The following TBC1D1 variants were observed in gnomAD, a reference collection of about 807,000 sequenced individuals.
TBC1D1 encodes the protein TBC1 (tre-2/USP6, BUB2, cdc16) domain family, member 1.
A neutral mutation model predicts 125.6 loss-of-function variants in TBC1D1; 89 were observed. The observed-to-expected ratio is 0.71, with a 90% CI of 0.60 to 0.85. The LOEUF is 0.85. TBC1D1 is among the 40% of genes least tolerant of loss of function. The pLI is 0.00. For synonymous variants in TBC1D1, 565 were observed against 564.1 expected, an observed-to-expected ratio of 1.00 and a Z score of -0.02; for missense variants, 1,377 against 1,469.2, an observed-to-expected ratio of 0.94 and a Z score of 1.03.
rs1032966565 is a variant in TBC1D1 at position 38,035,514 on chromosome 4, A to C, written c.1303-74A>C. The stretch of plus-strand genomic sequence containing the variant: ...ACTAGTTTAGTGGATGGAAGCTGTT[A>C]GCATTTAAAAAGACGGCTTAGCAAT... On this transcript the variant is annotated intron_variant, in intron 7 of 19. Transcript: ENST00000261439. 9.4e-6 allele frequency: 11 copies of C among 1,174,696 alleles called. No individual in the cohort carries two copies. The African/African-American group carries it at 1.7e-4, about 18-fold the overall frequency. 72.8% of individuals were successfully genotyped at this position (1,174,696 alleles called of 1,614,324 possible).
intron 12 of TBC1D1, among the ~76,000 whole-genome samples, chr4:38,070,366 A>G (rs1271391762): frequency 6.6e-6 from 1 of 152,240 alleles, no homozygotes; most frequent in Non-Finnish European, 1.5e-5. Context: ...AAGATGGTCC[A>G]GGTGTCGCTG....
rs1469034713 is a variant in TBC1D1, at chr4:37,902,459, G to A, written c.364G>A (p.Ala122Thr). The stretch of plus-strand genomic sequence containing the variant: ...CTTTGCTTGTCTGATTAAGGAAGAC[G>A]CTGTCCACCGGCAGAGTATCTGCTA... The change falls in exon 2 of 20, where the codon GCT becomes ACT. Residue 122 changes from alanine (A) to threonine (T), a missense_variant. Ala to Thr is a moderately conservative substitution (Grantham distance 58). This residue lies in a region of TBC1D1 where 822 missense variants were observed against 824.6 expected (regional missense o/e 1.00). Transcript: ENST00000261439. 2.5e-6 allele frequency: 4 copies of A among 1,613,880 alleles called. No individual in the cohort carries two copies. Among genetic ancestry groups the A allele is most frequent in the South Asian group, 1.1e-5 (1 of 91,030 alleles).
At chr4:38,065,090 C>G (rs1341325581) in intron 12 of TBC1D1, among the ~76,000 whole-genome samples, 1 of 152,172 alleles carries the variant, frequency 6.6e-6, no homozygotes, top group Non-Finnish European at 1.5e-5. Context: ...GCCACCACAC[C>G]TGGCTAATTT....
chr4:38,082,114 AG>A lies in TBC1D1; in HGVS notation c.2051-7813del, dbSNP rs563215454. ...CTTCAGTTTCCACATCTGGGAAGAGAGGGGGAGTTGAGCTAAGTCATTTTCC... is the reference window on the plus strand; with the variant it reads ...CTTCAGTTTCCACATCTGGGAAGAGAGGGGAGTTGAGCTAAGTCATTTTCC... On this transcript the variant is annotated intron_variant, in intron 12 of 19. Coordinates refer to ENST00000261439, the MANE Select transcript of TBC1D1 (RefSeq NM_015173.4). 1.1e-3 allele frequency among the ~76,000 whole-genome samples: 172 copies of A among 152,242 alleles called. 1 individual carries two copies. Among genetic ancestry groups the A allele is most frequent in the African/African-American group, 4.0e-3 (166 of 41,516 alleles).
chr4:38,051,341 G>T (rs746464959), intron 11 of TBC1D1, among the ~76,000 whole-genome samples: 15 of 152,154 alleles, frequency 9.9e-5, no homozygotes, highest in Non-Finnish European at 1.6e-4. Context: ...CAGGAAATAA[G>T]ACATTGAAAT....
chr4:37,945,340 C>T (rs1726451467), intron 2 of TBC1D1, among the ~76,000 whole-genome samples: 1 of 151,460 alleles, frequency 6.6e-6, no homozygotes, highest in Non-Finnish European at 1.5e-5. Flanking sequence ...ATGGCAAACT[C>T]CATCTCTACT....
At chr4:37,992,580 C>T (rs1411780761) in intron 2 of TBC1D1, among the ~76,000 whole-genome samples, 15 of 150,578 alleles carry the variant, frequency 1.0e-4, no homozygotes, top group African/African-American at 2.2e-4. Context: ...CTGCAAGCTC[C>T]GCCTCCCGGG....
chr4:38,119,535 A>G (rs1763520928), intron 17 of TBC1D1, among the ~76,000 whole-genome samples: 1 of 151,972 alleles, frequency 6.6e-6, no homozygotes, highest in Non-Finnish European at 1.5e-5. Context: ...AAAAAGATTA[A>G]CTAAAAGCCT....
intron 2 of TBC1D1, chr4:37,996,301 A>G (rs1053284236): frequency 2.5e-5 from 5 of 203,194 alleles, no homozygotes; most frequent in African/African-American, 1.1e-4. Flanking sequence ...GAAGTTATCT[A>G]ACATTTATAA....
chr4:37,953,925 G>C (rs1728391335), intron 2 of TBC1D1, among the ~76,000 whole-genome samples: 1 of 152,142 alleles, frequency 6.6e-6, no homozygotes, highest in African/African-American at 2.4e-5. Flanking sequence ...TATTAATGTA[G>C]ATTATCAGGC....
chr4:38,091,616 T>A (rs1758440546), intron 13 of TBC1D1, among the ~76,000 whole-genome samples: 1 of 152,210 alleles, frequency 6.6e-6, no homozygotes, highest in Non-Finnish European at 1.5e-5. Context: ...TTCTTGCAAA[T>A]GACAGCCATG....
chr4:38,029,406 GC>G (rs1482896651), intron 7 of TBC1D1, among the ~76,000 whole-genome samples: 1 of 152,060 alleles, frequency 6.6e-6, no homozygotes, highest in Non-Finnish European at 1.5e-5. Flanking sequence ...TCGCTCTGTT[GC>G]CCAGAGCCGA....
chr4:37,922,383 T>C (rs896032969), intron 2 of TBC1D1, among the ~76,000 whole-genome samples: 2 of 152,192 alleles, frequency 1.3e-5, no homozygotes, highest in African/African-American at 4.8e-5. Context: ...AACCTCCTGA[T>C]TTTCATTGTG....
In TBC1D1 at chr4:38,089,990, T is replaced by TG; in HGVS notation, c.2112dup (p.Pro705AlafsTer15). 6.2e-7 allele frequency: 1 copy of TG among 1,613,972 alleles called. No homozygotes were observed. Among genetic ancestry groups the TG allele is most frequent in the Non-Finnish European group, 8.5e-7 (1 of 1,179,946 alleles). Reference sequence around the variant, plus strand: ...CTCCTTTAGAACCAGTTTGTGAAGATGGGCCCTTTGGCCCCCCACCAGAGG... The same window carrying TG: ...CTCCTTTAGAACCAGTTTGTGAAGATGGGGCCCTTTGGCCCCCCACCAGAGG... On this transcript the variant is annotated frameshift_variant, in exon 13 of 20. Coordinates refer to ENST00000261439, the MANE Select transcript of TBC1D1 (RefSeq NM_015173.4). LOFTEE classifies it high-confidence loss of function.
chr4:37,974,078 G>GA (rs1732569502), intron 2 of TBC1D1, among the ~76,000 whole-genome samples: 1 of 152,214 alleles, frequency 6.6e-6, no homozygotes, highest in Non-Finnish European at 1.5e-5. Context: ...TTGGGAAAGT[G>GA]ATGTGGTAAC....
chr4:38,015,461 TTGC>T (rs752861826), intron 3 of TBC1D1, among the ~76,000 whole-genome samples: 10 of 151,654 alleles, frequency 6.6e-5, no homozygotes, highest in Non-Finnish European at 1.5e-4. Context: ...AATGGCTTGC[TTGC>T]TTTTTTTTTT....
chr4:37,935,466 G>A (rs1724197812), intron 2 of TBC1D1, among the ~76,000 whole-genome samples: 1 of 152,146 alleles, frequency 6.6e-6, no homozygotes, highest in Non-Finnish European at 1.5e-5. Context: ...CATCATCCCA[G>A]ATCCAGCTAT....
At chr4:37,972,126 ATT>A in intron 2 of TBC1D1, among the ~76,000 whole-genome samples, 1 of 152,336 alleles carries the variant, frequency 6.6e-6, no homozygotes, top group South Asian at 2.1e-4. Context: ...AGCAATGACT[ATT>A]CTGTCTGCAG....
chr4:38,030,370 CTG>C (rs1435188316), intron 7 of TBC1D1: 1 of 152,218 alleles, frequency 6.6e-6, no homozygotes. Context: ...CTAGAGGTCT[CTG>C]TAATTGTTAA....
Sources: allele counts gnomAD v4.1 joint callset (sites outside exome capture counted in the v4.1 genomes callset), GRCh38; gene constraint gnomAD v4.1.1; regional missense constraint gnomAD v4.1.1; transcripts MANE v1.5; gene names NCBI Gene and HGNC (gene_info 2026-07-23, HGNC 2026-07-21).